Variants in IQSEC1 observed in about 807,000 individuals in gnomAD.
IQSEC1 encodes the protein IQ motif and Sec7 domain ArfGEF 1.
IQSEC1 carries 31 observed loss-of-function variants against 91.0 expected under a neutral mutation model. The observed-to-expected ratio is 0.34, with a 90% CI of 0.26 to 0.46. The LOEUF is 0.46. IQSEC1 is among the 20% of genes least tolerant of loss of function. IQSEC1 has a pLI of 1.00. For synonymous variants in IQSEC1, 699 were observed against 662.6 expected (o/e 1.05, Z -0.84); for missense variants, 1,388 against 1,575.6 (o/e 0.88, Z 2.02).
At position 13,259,050 on chromosome 3, in the gene IQSEC1, T is replaced by C. The variant is rs1047713609; in HGVS notation, c.272+23661A>G. On this transcript the variant is annotated intron_variant, in intron 1 of 15. Transcript: ENST00000648114. The surrounding 1 kb of genome is among the most constrained non-coding windows in gnomAD (Gnocchi z 4.6). ...TTTCCCTATAGTCTATCTCACACCA[T>C]GGCCAGAGAGGTCTCTCAACATGAT... Among the ~76,000 whole-genome samples the C allele has an allele frequency of 6.6e-6, 1 of 152,134 alleles. No individual in the cohort carries two copies. Among genetic ancestry groups the C allele is most frequent in the African/African-American group, 2.4e-5 (1 of 41,410 alleles).
intron 4 of IQSEC1, among the ~76,000 whole-genome samples, chr3:12,924,000 G>A (rs2125203850): frequency 6.6e-6 from 1 of 152,346 alleles, no homozygotes; most frequent in South Asian, 2.1e-4. Context: ...TCAGGAGGTG[G>A]GGGCAGGACG....
At position 12,901,108 on chromosome 3, in the gene IQSEC1, G is replaced by A; in HGVS notation, c.3220C>T (p.His1074Tyr). Residue 1074 changes from histidine (H) to tyrosine (Y), a missense_variant, in exon 14 of 14, where the codon CAC becomes TAC. This residue lies in a region of IQSEC1 where 329 missense variants were observed against 257.8 expected (regional missense o/e 1.28). Coordinates refer to ENST00000613206, the MANE Select transcript of IQSEC1 (RefSeq NM_001134382.3). ...GGHPAYGAHA[H>Y]GHPPLPSAHV... ...GCCGAGGGCAGCGGCGGGTGGCCGT[G>A]GGCATGGGCCCCGTAGGCTGGGTGG... The A allele has an allele frequency of 3.2e-6, 5 of 1,540,006 alleles. No homozygotes were observed. Among genetic ancestry groups the A allele is most frequent in the Non-Finnish European group, 4.4e-6 (5 of 1,145,096 alleles).
chr3:13,136,375 G>A (rs965485540), intron 2 of IQSEC1, among the ~76,000 whole-genome samples: 10 of 152,224 alleles, frequency 6.6e-5, no homozygotes, highest in African/African-American at 2.4e-4. Context: ...CCAAATTGGG[G>A]CCGGGAATGA....
intron 1 of IQSEC1, among the ~76,000 whole-genome samples, chr3:13,021,215 C>A (rs576711267): frequency 6.6e-6 from 1 of 152,328 alleles, no homozygotes; most frequent in African/African-American, 2.4e-5. Context: ...TCACAAGGGA[C>A]CTGGCTTCCT....
Position 13,276,080 on chromosome 3 carries a change from CT to C in IQSEC1, c.272+6630del, listed in dbSNP as rs796663192. ...AGGGAAAACAATCCTCAAAAGCATT[CT>C]TTTTTTTTTTTTTTTTTTTTTTTTT... is the stretch of plus-strand genomic sequence containing the variant. On this transcript the variant is annotated intron_variant, in intron 1 of 15. Coordinates refer to the IQSEC1 transcript ENST00000648114. Among the ~76,000 whole-genome samples the C allele has an allele frequency of 7.4e-4, 59 of 79,542 alleles. 1 individual carries two copies. Among genetic ancestry groups the C allele is most frequent in the Non-Finnish European group, 9.3e-4 (38 of 40,648 alleles). 52.2% of individuals were successfully genotyped at this position (79,542 alleles called of 152,430 possible).
chr3:13,001,248 A>C (rs1297946743), intron 1 of IQSEC1, among the ~76,000 whole-genome samples: 1 of 152,158 alleles, frequency 6.6e-6, no homozygotes, highest in Non-Finnish European at 1.5e-5. Context: ...GGCATGAGCC[A>C]CCATGCCCGA....
chr3:13,218,370 T>C (rs1487236046), intron 1 of IQSEC1, among the ~76,000 whole-genome samples: 2 of 152,206 alleles, frequency 1.3e-5, no homozygotes, highest in African/African-American at 2.4e-5. Context: ...GTAGAATGAA[T>C]GACTCATAGG....
rs1694036601 is a variant in IQSEC1, at chr3:12,899,731, C to T, written c.*1252G>A. 1.0e-6 allele frequency: 1 copy of T among 985,430 alleles called. No individual in the cohort carries two copies. Among genetic ancestry groups the T allele is most frequent in the Non-Finnish European group, 1.2e-6 (1 of 829,934 alleles). The allele number at this position is 985,430 out of a possible 1,614,324, so 61.0% of individuals were successfully genotyped here. ...ACAAAACGGGAAACACACACACCGC[C>T]CTGGGTTGCTAAACGCTAAAGTCAA... is the stretch of plus-strand genomic sequence containing the variant. On this transcript the variant is annotated 3_prime_UTR_variant, in exon 14 of 14. Transcript: ENST00000613206.
intron 2 of IQSEC1, among the ~76,000 whole-genome samples, chr3:13,121,685 G>T (rs1046114041): frequency 7.9e-5 from 12 of 152,200 alleles, no homozygotes; most frequent in African/African-American, 2.9e-4. Context: ...TGGTAGCCTG[G>T]CCACTGACTG....
rs1694515604 is a variant in IQSEC1 at position 13,214,911 on chromosome 3, C to G, written c.273-50778G>C. On this transcript the variant is annotated intron_variant, in intron 1 of 15. Transcript: ENST00000648114. This position sits in a 1 kb window ranked among gnomAD's most constrained non-coding sequence, Gnocchi z 4.5. The stretch of plus-strand genomic sequence containing the variant: ...TGAGCACTAGCCGAATGAACAGGCA[C>G]CCGAGTGAACGGATGAGTGGAATTT... 6.6e-6 allele frequency among the ~76,000 whole-genome samples: 1 copy of G among 152,216 alleles called. No homozygotes were observed. Among genetic ancestry groups the G allele is most frequent in the Non-Finnish European group, 1.5e-5 (1 of 68,044 alleles).
chr3:13,104,690 A>C (rs1171612143), intron 2 of IQSEC1, among the ~76,000 whole-genome samples: 2 of 152,144 alleles, frequency 1.3e-5, no homozygotes, highest in South Asian at 2.1e-4. Context: ...ACGGGACCCC[A>C]GGTGCAGGGC....
chr3:12,909,553 G>A lies in IQSEC1; in HGVS notation c.2417-119C>T, dbSNP rs781369079. 8.1e-5 allele frequency: 82 copies of A among 1,008,262 alleles called. 1 individual carries two copies. Among genetic ancestry groups the A allele is most frequent in the South Asian group, 3.6e-4 (23 of 63,272 alleles). The allele number at this position is 1,008,262 out of a possible 1,614,324, so 62.5% of individuals were successfully genotyped here. On this transcript the variant is annotated intron_variant, in intron 10 of 13. Coordinates refer to ENST00000613206, the MANE Select transcript of IQSEC1 (RefSeq NM_001134382.3). The surrounding 1 kb of genome is among the most constrained non-coding windows in gnomAD (Gnocchi z 4.9). ...TGTGCGTGAGCCTGGGATAAGTGCC[G>A]GGAGTCCAGCCTCCGCAGTGGCAGG...
intron 2 of IQSEC1, among the ~76,000 whole-genome samples, chr3:13,096,864 CTT>C (rs71066943): frequency 7.0e-5 from 10 of 142,388 alleles, no homozygotes; most frequent in East Asian, 2.0e-4. Context: ...TTCTTTCTTT[CTT>C]TTTTTTTTTT....
chr3:13,081,117 T>C (rs1369160869), intron 2 of IQSEC1, among the ~76,000 whole-genome samples: 2 of 152,228 alleles, frequency 1.3e-5, no homozygotes, highest in African/African-American at 4.8e-5. Context: ...AAGCAGCTTA[T>C]ATAAGTGCAT....
Position 12,924,887 on chromosome 3 carries a change from C to T in IQSEC1, c.1569-145G>A. 3 of 720,234 alleles carry T rather than the reference C, an allele frequency of 4.2e-6. No individual in the cohort carries two copies. Among genetic ancestry groups the T allele is most frequent in the Admixed American group, 3.7e-5 (1 of 26,886 alleles). The allele number at this position is 720,234 out of a possible 1,614,324, so 44.6% of individuals were successfully genotyped here. On this transcript the variant is annotated intron_variant, in intron 3 of 13. Transcript: ENST00000613206. The surrounding 1 kb of genome is among the most constrained non-coding windows in gnomAD (Gnocchi z 6.3). The stretch of plus-strand genomic sequence containing the variant: ...TTCATCCCTGTAGGCATTCAGGGGT[C>T]TCTAGTTCCATCTCCAGCCTGGGTG...
At chr3:12,939,631 T>C (rs755773062) in intron 2 of IQSEC1, among the ~76,000 whole-genome samples, 2 of 152,230 alleles carry the variant, frequency 1.3e-5, no homozygotes, top group Non-Finnish European at 2.9e-5. Context: ...TGGCCCTTGA[T>C]GTCGCCTCCT....
At chr3:13,215,491 T>C (rs183535176) in intron 1 of IQSEC1, among the ~76,000 whole-genome samples, 1 of 152,306 alleles carries the variant, frequency 6.6e-6, no homozygotes, top group Admixed American at 6.5e-5. Flanking sequence ...TTAAAATCCA[T>C]GTTAAGTCTG....
At chr3:13,080,646 A>G (rs992932703) in intron 2 of IQSEC1, among the ~76,000 whole-genome samples, 1 of 152,222 alleles carries the variant, frequency 6.6e-6, no homozygotes, top group African/African-American at 2.4e-5. Context: ...GGGTGGGAAG[A>G]AACCCAGCAG....
chr3:12,963,335 C>G (rs949338269), intron 1 of IQSEC1, among the ~76,000 whole-genome samples: 2 of 152,130 alleles, frequency 1.3e-5, no homozygotes, highest in African/African-American at 4.8e-5. Context: ...TACCTATGAA[C>G]AAGGCAAAAA....
Sources: allele counts gnomAD v4.1 joint callset (sites outside exome capture counted in the v4.1 genomes callset), GRCh38; gene constraint gnomAD v4.1.1; regional missense constraint gnomAD v4.1.1; non-coding constraint Gnocchi (gnomAD v3.1); transcripts MANE v1.5; gene names NCBI Gene and HGNC (gene_info 2026-07-23, HGNC 2026-07-21).